MGAT4C: variants seen among roughly 807,000 people sequenced by gnomAD.
MGAT4C encodes the protein alpha-1,3-mannosyl-glycoprotein 4-beta-N-acetylglucosaminyltransferase C.
Under a neutral mutation model 40.1 loss-of-function variants are expected in MGAT4C, and 19 were observed. That is an observed-to-expected ratio of 0.47 (90% CI 0.33 to 0.70). The LOEUF (loss-of-function observed/expected upper bound fraction) is 0.70, where lower values mean the gene tolerates loss of function less well. Among genes scored for constraint, MGAT4C ranks in the 30% least tolerant of loss-of-function variants. The pLI, the probability that MGAT4C is intolerant of heterozygous loss-of-function variation, is 0.02. For missense variants in MGAT4C, 491 were observed against 563.2 expected, an observed-to-expected ratio of 0.87 and a Z score of 1.30; for synonymous variants, 181 against 187.1, an observed-to-expected ratio of 0.97 and a Z score of 0.27.
chr12:86,222,864 G>C (rs1386608866), intron 1 of MGAT4C, among the ~76,000 whole-genome samples: 3 of 152,138 alleles, frequency 2.0e-5, no homozygotes, highest in East Asian at 3.9e-4. Context: ...AATTGTCTGG[G>C]AGCTGGAAGA....
chr12:86,834,494 C>T (rs1031965242), intron 1 of MGAT4C, among the ~76,000 whole-genome samples: 9 of 151,684 alleles, frequency 5.9e-5, no homozygotes, highest in African/African-American at 1.9e-4. Context: ...ACAACAATAA[C>T]CATTAATATT....
chr12:86,802,545 T>A (rs1952252310), intron 1 of MGAT4C, among the ~76,000 whole-genome samples: 1 of 152,016 alleles, frequency 6.6e-6, no homozygotes, highest in African/African-American at 2.4e-5. Flanking sequence ...TTCTATATTT[T>A]AATAAGCAAC....
At chr12:86,770,371 G>A (rs1009282985) in intron 1 of MGAT4C, among the ~76,000 whole-genome samples, 1 of 151,954 alleles carries the variant, frequency 6.6e-6, no homozygotes, top group Non-Finnish European at 1.5e-5. Flanking sequence ...CAATACTAGA[G>A]AGTAGTGACT....
intron 3 of MGAT4C, among the ~76,000 whole-genome samples, chr12:86,374,143 A>T (rs1234164822): frequency 2.6e-5 from 4 of 152,100 alleles, no homozygotes; most frequent in South Asian, 2.1e-4. Context: ...AAAAACAGAC[A>T]TGAAAAAAAT....
chr12:86,199,206 C>A (rs1012502565), intron 1 of MGAT4C, among the ~76,000 whole-genome samples: 1 of 151,988 alleles, frequency 6.6e-6, no homozygotes, highest in Non-Finnish European at 1.5e-5. Context: ...ATATCAGTGA[C>A]AGAAGAATAA....
At chr12:86,328,171 T>A (rs944747091) in intron 4 of MGAT4C, among the ~76,000 whole-genome samples, 17 of 152,198 alleles carry the variant, frequency 1.1e-4, no homozygotes, top group African/African-American at 4.1e-4. Context: ...AATGTACCAT[T>A]AGTAACATTA....
chr12:86,394,616 T>TTATATATATATATATATATATACTTTA (rs71076194), intron 3 of MGAT4C, among the ~76,000 whole-genome samples: 20 of 135,456 alleles, frequency 1.5e-4, no homozygotes, highest in Admixed American at 2.4e-4. Context: ...TATATATACT[T>TTATATATATATATATATATATACTTTA]TATATATATA....
intron 2 of MGAT4C, among the ~76,000 whole-genome samples, chr12:86,686,288 G>C (rs1329835707): frequency 6.6e-6 from 1 of 152,048 alleles, no homozygotes; most frequent in Non-Finnish European, 1.5e-5. Flanking sequence ...TGCAAACAGA[G>C]ACAGTTTAAC....
intron 1 of MGAT4C, among the ~76,000 whole-genome samples, chr12:86,244,646 C>T (rs2136055272): frequency 6.6e-6 from 1 of 152,206 alleles, no homozygotes; most frequent in South Asian, 2.1e-4. Context: ...ATGGGGGACA[C>T]AGAGAAGGCA....
At chr12:86,314,537 G>T (rs1036914745) in intron 4 of MGAT4C, among the ~76,000 whole-genome samples, 1 of 152,178 alleles carries the variant, frequency 6.6e-6, no homozygotes, top group Non-Finnish European at 1.5e-5. Context: ...TCTATACCTA[G>T]AAAACACTAA....
At chr12:86,287,319 T>C (rs544876413) in intron 4 of MGAT4C, among the ~76,000 whole-genome samples, 37 of 152,288 alleles carry the variant, frequency 2.4e-4, no homozygotes, top group African/African-American at 8.2e-4. Context: ...TATCTCATTA[T>C]GGTTTTGATT....
intron 2 of MGAT4C, among the ~76,000 whole-genome samples, chr12:86,601,033 T>C (rs1378379399): frequency 5.3e-5 from 8 of 152,226 alleles, no homozygotes; most frequent in Non-Finnish European, 1.2e-4. Flanking sequence ...AGCTCCCCGC[T>C]GTCTCGGCCC....
At chr12:86,700,065 T>TAGATAGATA (rs1025301785) in intron 2 of MGAT4C, among the ~76,000 whole-genome samples, 3 of 27,708 alleles carry the variant, frequency 1.1e-4, no homozygotes, top group Non-Finnish European at 3.7e-4. Context: ...GATAGATAGA[T>TAGATAGATA]AAGATAGATA....
intron 1 of MGAT4C, among the ~76,000 whole-genome samples, chr12:86,177,850 A>G (rs1282397033): frequency 6.6e-6 from 1 of 152,160 alleles, no homozygotes; most frequent in Non-Finnish European, 1.5e-5. Context: ...ACAAGATGGG[A>G]TTTATAATTT....
intron 1 of MGAT4C, among the ~76,000 whole-genome samples, chr12:86,092,098 C>T (rs1303660126): frequency 6.6e-6 from 1 of 152,104 alleles, no homozygotes; most frequent in Non-Finnish European, 1.5e-5. Flanking sequence ...AAAATACCTA[C>T]AAAAATGTCA....
At chr12:86,498,141 A>G (rs1958275846) in intron 2 of MGAT4C, among the ~76,000 whole-genome samples, 1 of 151,014 alleles carries the variant, frequency 6.6e-6, no homozygotes, top group South Asian at 2.1e-4. Flanking sequence ...AATATCACCA[A>G]TACTTTCTTT....
Position 86,739,133 on chromosome 12 carries a change from C to CAAAAAAAAAAA in MGAT4C, c.-261-11903_-261-11893dup, listed in dbSNP as rs59869666. 2.1e-3 allele frequency among the ~76,000 whole-genome samples: 83 copies of CAAAAAAAAAAA among 39,796 alleles called. 6 individuals carry two copies. Among genetic ancestry groups the CAAAAAAAAAAA allele is most frequent in the Non-Finnish European group, 2.5e-3 (59 of 23,934 alleles). The allele number at this position is 39,796 out of a possible 152,430, so 26.1% of individuals were successfully genotyped here. Reference sequence around the variant, plus strand: ...TTTAATTCAGCTATGTTTCCCTGTGCAAAAAAAAAAAAAAAAAAAAAAAAA... The same window carrying CAAAAAAAAAAA: ...TTTAATTCAGCTATGTTTCCCTGTGCAAAAAAAAAAAAAAAAAAAAAAAAAAAAAAAAAAAA... On this transcript the variant is annotated intron_variant, in intron 1 of 7. Coordinates refer to the MGAT4C transcript ENST00000548651.
At chr12:86,748,822 T>A (rs1951192215) in intron 1 of MGAT4C, among the ~76,000 whole-genome samples, 1 of 151,554 alleles carries the variant, frequency 6.6e-6, no homozygotes, top group African/African-American at 2.4e-5. Flanking sequence ...ATTTAAAAAA[T>A]TTAGTATATT....
At chr12:86,688,962 C>T (rs1289887942) in intron 2 of MGAT4C, among the ~76,000 whole-genome samples, 1 of 152,178 alleles carries the variant, frequency 6.6e-6, no homozygotes, top group Admixed American at 6.5e-5. Flanking sequence ...TTCCATTCTC[C>T]TTGTCACTTT....
Sources: allele counts gnomAD v4.1 joint callset (sites outside exome capture counted in the v4.1 genomes callset), GRCh38; gene constraint gnomAD v4.1.1; transcripts MANE v1.5; gene names NCBI Gene and HGNC (gene_info 2026-07-23, HGNC 2026-07-21).